The following NTM variants were observed in gnomAD, a reference collection of about 807,000 sequenced individuals.
The protein encoded by NTM is neurotrimin.
In NTM, 13 loss-of-function variants were observed where a neutral mutation model predicts 42.1. That is an observed-to-expected ratio of 0.31 (90% CI 0.20 to 0.49). The LOEUF (loss-of-function observed/expected upper bound fraction) is 0.49, where lower values mean the gene tolerates loss of function less well. Among genes scored for constraint, NTM ranks in the 20% least tolerant of loss-of-function variants. The pLI is 0.99. For synonymous variants in NTM, 187 were observed against 179.2 expected (o/e 1.04, Z -0.35); for missense variants, 373 against 452.8 (o/e 0.82, Z 1.60).
intron 2 of NTM, among the ~76,000 whole-genome samples, chr11:131,940,266 T>C (rs2059654034): frequency 6.6e-6 from 1 of 152,204 alleles, no homozygotes; most frequent in South Asian, 2.1e-4. Flanking sequence ...ACGTGCAACT[T>C]ATGTACAGTT....
At chr11:131,397,754 A>C (rs1366272625) in intron 1 of NTM, among the ~76,000 whole-genome samples, 4 of 152,142 alleles carry the variant, frequency 2.6e-5, no homozygotes, top group Non-Finnish European at 5.9e-5. Flanking sequence ...AAGAAAGCCC[A>C]CCAGCCATGC....
chr11:131,636,046 G>C (rs1189923005), intron 1 of NTM, among the ~76,000 whole-genome samples: 1 of 152,168 alleles, frequency 6.6e-6, no homozygotes, highest in African/African-American at 2.4e-5. Context: ...ATACAATGGG[G>C]AGATGGCCAT....
intron 1 of NTM, among the ~76,000 whole-genome samples, chr11:131,513,208 C>A (rs756896411): frequency 2.0e-5 from 3 of 152,212 alleles, no homozygotes; most frequent in South Asian, 2.1e-4. Context: ...GAGATCAATT[C>A]TTTCCACCAG....
At chr11:131,555,830 T>G (rs2055333196) in intron 1 of NTM, among the ~76,000 whole-genome samples, 1 of 152,136 alleles carries the variant, frequency 6.6e-6, no homozygotes, top group Admixed American at 6.5e-5. Context: ...CCAGGGCAGC[T>G]ACTCCCCTAG....
intron 8 of NTM, among the ~76,000 whole-genome samples, chr11:132,334,834 T>G (rs151257672): frequency 6.6e-6 from 1 of 151,740 alleles, no homozygotes; most frequent in East Asian, 1.9e-4. Flanking sequence ...GTTCTCTCCT[T>G]GCAGGGGAAG....
chr11:131,450,433 G>A (rs577266677), intron 1 of NTM, among the ~76,000 whole-genome samples: 6 of 152,014 alleles, frequency 3.9e-5, no homozygotes, highest in Non-Finnish European at 5.9e-5. Flanking sequence ...AGCCCATTCC[G>A]CCTGGGACCC....
chr11:131,731,975 G>A (rs1017639563), intron 1 of NTM, among the ~76,000 whole-genome samples: 1 of 152,158 alleles, frequency 6.6e-6, no homozygotes, highest in South Asian at 2.1e-4. Flanking sequence ...GAGCAGAGTG[G>A]TTATGAAGAG....
At chr11:131,639,668 G>A (rs2064873221) in intron 1 of NTM, among the ~76,000 whole-genome samples, 5 of 152,078 alleles carry the variant, frequency 3.3e-5, no homozygotes, top group Admixed American at 2.6e-4. Flanking sequence ...CAAAAAGTGA[G>A]TGGCCCTGGC....
At chr11:132,045,006 G>T (rs910194263) in intron 2 of NTM, among the ~76,000 whole-genome samples, 1 of 152,134 alleles carries the variant, frequency 6.6e-6, no homozygotes, top group African/African-American at 2.4e-5. Context: ...AAAAGAAGGG[G>T]ACTTCTCCCT....
At chr11:132,228,390 C>A (rs977235846) in intron 4 of NTM, among the ~76,000 whole-genome samples, 1 of 152,170 alleles carries the variant, frequency 6.6e-6, no homozygotes, top group African/African-American at 2.4e-5. Context: ...AACGTACCTG[C>A]CGCCATACCT....
At chr11:131,461,463 G>A (rs544433870) in intron 1 of NTM, among the ~76,000 whole-genome samples, 24 of 152,244 alleles carry the variant, frequency 1.6e-4, no homozygotes, top group African/African-American at 5.1e-4. Context: ...TTAAGAGATG[G>A]GAGAGACCTA....
intron 1 of NTM, among the ~76,000 whole-genome samples, chr11:131,699,553 TC>T (rs2075841303): frequency 6.6e-6 from 1 of 152,160 alleles, no homozygotes; most frequent in Non-Finnish European, 1.5e-5. Context: ...TAGTTCATTC[TC>T]ATGCTGCTAA....
At chr11:132,318,277 T>A (rs956789554) in intron 7 of NTM, among the ~76,000 whole-genome samples, 6 of 152,136 alleles carry the variant, frequency 3.9e-5, no homozygotes, top group African/African-American at 1.4e-4. Flanking sequence ...TAGACTCAAT[T>A]TCCTCTTCTT....
intron 1 of NTM, among the ~76,000 whole-genome samples, chr11:131,374,810 G>A (rs1398311765): frequency 6.6e-6 from 1 of 152,100 alleles, no homozygotes; most frequent in Non-Finnish European, 1.5e-5. Flanking sequence ...ATCAATATGG[G>A]GCACATGATT....
At chr11:132,054,446 C>T (rs985587442) in intron 2 of NTM, among the ~76,000 whole-genome samples, 15 of 152,206 alleles carry the variant, frequency 9.9e-5, no homozygotes, top group Non-Finnish European at 1.5e-4. Context: ...GATTCTGATT[C>T]GTAGTCCTAT....
intron 2 of NTM, among the ~76,000 whole-genome samples, chr11:132,025,265 C>G (rs2075011628): frequency 6.6e-6 from 1 of 152,198 alleles, no homozygotes; most frequent in Non-Finnish European, 1.5e-5. Flanking sequence ...AGAAAGAGGT[C>G]TGCCATCCTG....
At chr11:131,743,418 G>C (rs1250472910) in intron 1 of NTM, among the ~76,000 whole-genome samples, 1 of 152,134 alleles carries the variant, frequency 6.6e-6, no homozygotes, top group Non-Finnish European at 1.5e-5. Flanking sequence ...CCAGAAATCA[G>C]ATGTGGTGTG....
intron 2 of NTM, among the ~76,000 whole-genome samples, chr11:131,974,293 G>C (rs1021273148): frequency 6.6e-5 from 10 of 152,244 alleles, no homozygotes; most frequent in African/African-American, 2.2e-4. Context: ...TCAAATGAAT[G>C]AATGAATGAA....
In NTM at chr11:131,872,886, T is replaced by C. The variant is rs536654206; in HGVS notation, c.83-38678T>C. Among the ~76,000 whole-genome samples, 219 of 152,276 alleles carry C rather than the reference T, an allele frequency of 1.4e-3. 2 individuals are homozygous for C. The highest frequency in any genetic ancestry group is 5.0e-3 in the African/African-American group (208 of 41,562). Reference sequence around the variant, plus strand: ...GTAATGAGATTGCTGGGTCAAATGGTATTTCTGCTTCTAGATCCTTGAGGA... The same window carrying C: ...GTAATGAGATTGCTGGGTCAAATGGCATTTCTGCTTCTAGATCCTTGAGGA... On this transcript the variant is annotated intron_variant, in intron 1 of 8. Coordinates refer to ENST00000683400, the MANE Select transcript of NTM (RefSeq NM_001352005.2).
Sources: allele counts gnomAD v4.1 joint callset (sites outside exome capture counted in the v4.1 genomes callset), GRCh38; gene constraint gnomAD v4.1.1; transcripts MANE v1.5; gene names NCBI Gene and HGNC (gene_info 2026-07-23, HGNC 2026-07-21).